The following ROBO2 variants were observed in gnomAD, a reference collection of about 807,000 sequenced individuals.
ROBO2 encodes roundabout guidance receptor 2, also known as roundabout homolog 2.
Under a neutral mutation model 160.8 loss-of-function variants are expected in ROBO2, and 53 were observed. The observed-to-expected ratio is 0.33, with a 90% CI of 0.26 to 0.41. The LOEUF (loss-of-function observed/expected upper bound fraction) is 0.41, where lower values mean the gene tolerates loss of function less well. Ranked by LOEUF, ROBO2 falls within the 10% of genes least tolerant of loss-of-function variation. The pLI, the probability that ROBO2 is intolerant of heterozygous loss-of-function variation, is 1.00. For synonymous variants in ROBO2, 664 were observed against 611.7 expected (o/e 1.09, Z -1.26); for missense variants, 1,577 against 1,722.4 (o/e 0.92, Z 1.49).
chr3:76,489,084 C>CAAAAAAAAAAA (rs67454494), intron 2 of ROBO2, among the ~76,000 whole-genome samples: 1 of 60,134 alleles, frequency 1.7e-5, no homozygotes, highest in Non-Finnish European at 3.2e-5. Context: ...GACTCTGTCT[C>CAAAAAAAAAAA]AAAAAAAAAA....
At chr3:77,276,831 A>G (rs2059861101) in intron 2 of ROBO2, among the ~76,000 whole-genome samples, 2 of 152,200 alleles carry the variant, frequency 1.3e-5, no homozygotes, top group African/African-American at 4.8e-5. Context: ...AAGTCGAATG[A>G]GGAGCAAAGT....
intron 2 of ROBO2, among the ~76,000 whole-genome samples, chr3:77,450,004 TA>T (rs2080959440): frequency 6.6e-6 from 1 of 150,490 alleles, no homozygotes; most frequent in South Asian, 2.1e-4. Flanking sequence ...TCTAGCAAAA[TA>T]AAAATCTGTG....
chr3:77,414,864 A>G (rs772923811), intron 2 of ROBO2, among the ~76,000 whole-genome samples: 1 of 152,238 alleles, frequency 6.6e-6, no homozygotes, highest in Non-Finnish European at 1.5e-5. Context: ...TATCCATTGC[A>G]TATGGCTCCT....
intron 6 of ROBO2, among the ~76,000 whole-genome samples, chr3:77,529,730 A>G (rs1023019328): frequency 1.3e-5 from 2 of 151,936 alleles, no homozygotes; most frequent in Non-Finnish European, 2.9e-5. Flanking sequence ...GAACTAAAGA[A>G]TAGCTTCTTG....
chr3:76,201,907 AAAAAG>A (rs1338107884), intron 2 of ROBO2, among the ~76,000 whole-genome samples: 2 of 151,870 alleles, frequency 1.3e-5, no homozygotes, highest in African/African-American at 4.8e-5. Context: ...AAAAAAAAAA[AAAAAG>A]AGATTTAAAG....
chr3:76,610,592 T>C (rs2088025697), intron 2 of ROBO2, among the ~76,000 whole-genome samples: 2 of 152,176 alleles, frequency 1.3e-5, no homozygotes, highest in African/African-American at 4.8e-5. Flanking sequence ...TCCCATAGCT[T>C]GGCGAGTGGG....
rs2074947012 is a variant in ROBO2, at chr3:76,898,091, C to T, written c.110-199923C>T. On this transcript the variant is annotated intron_variant, in intron 2 of 26. Coordinates refer to the ROBO2 transcript ENST00000487694. ...TGTCTCTCATAAGGGACATTCTCCT[C>T]CACAGAATTGACAATAGCAGCTATT... Among the ~76,000 whole-genome samples the T allele has an allele frequency of 2.0e-5, 3 of 152,004 alleles. No individual in the cohort carries two copies. In the South Asian group the frequency reaches 6.2e-4, roughly 31 times the overall value.
chr3:76,706,533 T>C (rs997303169), intron 2 of ROBO2, among the ~76,000 whole-genome samples: 5 of 152,026 alleles, frequency 3.3e-5, no homozygotes, highest in African/African-American at 1.2e-4. Flanking sequence ...TGTCACATGG[T>C]TGATTGAGTC....
intron 2 of ROBO2, among the ~76,000 whole-genome samples, chr3:76,855,670 C>A (rs1464782651): frequency 2.0e-5 from 3 of 152,076 alleles, no homozygotes; most frequent in African/African-American, 7.2e-5. Flanking sequence ...TGAACATTTG[C>A]CAATGAATAT....
intron 2 of ROBO2, among the ~76,000 whole-genome samples, chr3:76,913,788 T>C (rs1462069073): frequency 6.6e-6 from 1 of 152,166 alleles, no homozygotes; most frequent in Non-Finnish European, 1.5e-5. Flanking sequence ...GATGAGTAAA[T>C]GTGAGTAATA....
At chr3:77,516,662 C>A (rs566947995) in intron 5 of ROBO2, among the ~76,000 whole-genome samples, 1 of 146,896 alleles carries the variant, frequency 6.8e-6, no homozygotes, top group African/African-American at 2.5e-5. Flanking sequence ...CTCAAATTGC[C>A]AAGTTATCTC....
chr3:76,544,131 T>A (rs149774166), intron 2 of ROBO2, among the ~76,000 whole-genome samples: 85 of 152,148 alleles, frequency 5.6e-4, no homozygotes, highest in African/African-American at 1.9e-3. Flanking sequence ...ACTGAGCTCA[T>A]CTTGTTGAGA....
chr3:76,494,915 C>T (rs895202680), intron 2 of ROBO2, among the ~76,000 whole-genome samples: 1 of 152,128 alleles, frequency 6.6e-6, no homozygotes, highest in Non-Finnish European at 1.5e-5. Context: ...GGAGCAACTG[C>T]TTAATGGGTA....
chr3:76,760,929 A>T (rs2608155), intron 2 of ROBO2, among the ~76,000 whole-genome samples: 126,401 of 150,912 alleles, frequency 0.84, 53,018 homozygotes, highest in Admixed American at 0.86. Context: ...TCTTTTTTTT[A>T]TACTTTGTGG....
Position 76,411,747 on chromosome 3 carries a change from A to G in ROBO2, c.109+474145A>G, listed in dbSNP as rs186714892. Among the ~76,000 whole-genome samples, 137 of 152,306 alleles carry G rather than the reference A, an allele frequency of 9.0e-4. 1 individual carries two copies. The highest frequency in any genetic ancestry group is 6.7e-3 in the Admixed American group (102 of 15,302). On this transcript the variant is annotated intron_variant, in intron 2 of 26. Coordinates refer to the ROBO2 transcript ENST00000487694. ...CAAGTAATTTTTGTGAAAGTAGCAT[A>G]AGCCTAAAGTGTTTAACTCTTATTT...
chr3:76,169,454 A>G (rs1194212363), intron 2 of ROBO2, among the ~76,000 whole-genome samples: 1 of 152,182 alleles, frequency 6.6e-6, no homozygotes, highest in Non-Finnish European at 1.5e-5. Flanking sequence ...CCGTATGAGA[A>G]TCTATCAATA....
intron 2 of ROBO2, among the ~76,000 whole-genome samples, chr3:75,961,667 C>A (rs1283255115): frequency 6.6e-6 from 1 of 151,466 alleles, no homozygotes; most frequent in Non-Finnish European, 1.5e-5. Context: ...CATCTGACTT[C>A]CAAACTGATC....
intron 2 of ROBO2, among the ~76,000 whole-genome samples, chr3:76,925,951 A>C (rs761290097): frequency 2.6e-5 from 4 of 152,232 alleles, no homozygotes; most frequent in Non-Finnish European, 4.4e-5. Flanking sequence ...AAGTGGAATG[A>C]TGACAGGGAC....
At chr3:77,011,432 C>A (rs1559842169) in intron 2 of ROBO2, among the ~76,000 whole-genome samples, 1 of 152,052 alleles carries the variant, frequency 6.6e-6, no homozygotes, top group African/African-American at 2.4e-5. Context: ...TACTTAAAAT[C>A]CATCTCCAAA....
Sources: allele counts gnomAD v4.1 joint callset (sites outside exome capture counted in the v4.1 genomes callset), GRCh38; gene constraint gnomAD v4.1.1; transcripts MANE v1.5; gene names NCBI Gene and HGNC (gene_info 2026-07-23, HGNC 2026-07-21).